Variants in MTUS2 observed in about 807,000 individuals in gnomAD.
The protein encoded by MTUS2 is microtubule-associated tumor suppressor candidate 2.
In MTUS2, 40 loss-of-function variants were observed where a neutral mutation model predicts 114.1. The ratio of observed to expected loss-of-function variants is 0.35; its 90% CI spans 0.27 to 0.46. The LOEUF is 0.46. Ranked by LOEUF, MTUS2 falls within the 20% of genes least tolerant of loss-of-function variation. The probability of loss-of-function intolerance (pLI) is 1.00; values close to 1 mark genes in which losing one functional copy is unlikely to be tolerated. For missense variants in MTUS2, 1,679 were observed against 1,705.4 expected (o/e 0.98, Z 0.27); for synonymous variants, 688 against 672.0 (o/e 1.02, Z -0.37).
intron 2 of MTUS2, among the ~76,000 whole-genome samples, chr13:28,888,528 T>G (rs964949737): frequency 6.6e-6 from 1 of 151,960 alleles, no homozygotes; most frequent in Non-Finnish European, 1.5e-5. Flanking sequence ...TTCAAGCGAT[T>G]CTCCTGCCTC....
intron 8 of MTUS2, among the ~76,000 whole-genome samples, chr13:29,420,309 A>C (rs1362356816): frequency 1.6e-5 from 2 of 128,976 alleles, no homozygotes; most frequent in Non-Finnish European, 3.1e-5. Context: ...ACAGAGTCTC[A>C]CTCTGTCACC....
Position 29,440,046 on chromosome 13 carries a change from G to A in MTUS2, c.3181G>A (p.Val1061Ile). 1 of 1,582,020 alleles carries A rather than the reference G, an allele frequency of 6.3e-7. No homozygotes were observed. Among genetic ancestry groups the A allele is most frequent in the South Asian group, 1.2e-5 (1 of 86,276 alleles). ...CGAACTTGCAAACATCAGGGATGAA[G>A]TTGGTAAGTAGGGCATTGACAATGA... The part of the protein sequence containing the change: ...SIELANIRDE[V>I]AFHTAKCEKL... Residue 1061 changes from valine (V) to isoleucine (I), a missense_variant, in exon 9 of 16, where the codon GTT (valine) becomes ATT (isoleucine). By Grantham distance (29) the Val-to-Ile change is conservative. Around this residue, in one of 3 missense-constraint regions of MTUS2, gnomAD observed 822 missense variants for 899.7 expected, o/e 0.91. Coordinates refer to ENST00000612955, the MANE Select transcript of MTUS2 (RefSeq NM_001033602.4).
At position 29,280,149 on chromosome 13, in the gene MTUS2, C is replaced by T. The variant is rs555122435; in HGVS notation, c.2645-1555C>T. Among the ~76,000 whole-genome samples the T allele has an allele frequency of 7.9e-5, 12 of 152,316 alleles. No homozygotes were observed. In the Middle Eastern group the frequency reaches 0.01, roughly 130 times the overall value. The stretch of plus-strand genomic sequence containing the variant: ...CCACTGGATAATTCAGAAGCTGAGG[C>T]TCACTGTTTTTGCAAGTTCATGGTG... On this transcript the variant is annotated intron_variant, in intron 5 of 15. Transcript: ENST00000612955.
Position 29,125,670 on chromosome 13 carries a change from C to T in MTUS2, c.2644+24700C>T, listed in dbSNP as rs534416179. The stretch of plus-strand genomic sequence containing the variant: ...TGCCGCAGGATTTACACTCTGAAAA[C>T]TAATAGCTTTACCTGGGAAGTTATA... On this transcript the variant is annotated intron_variant, in intron 5 of 15. Coordinates refer to ENST00000612955, the MANE Select transcript of MTUS2 (RefSeq NM_001033602.4). Among the ~76,000 whole-genome samples, 28 of 152,250 alleles carry T rather than the reference C, an allele frequency of 1.8e-4. No homozygotes were observed. The South Asian group carries it at 5.8e-3, about 32-fold the overall frequency.
chr13:28,914,792 GTAGT>G (rs1363925964), intron 2 of MTUS2, among the ~76,000 whole-genome samples: 3 of 151,830 alleles, frequency 2.0e-5, no homozygotes, highest in African/African-American at 4.8e-5. Context: ...CACATTTTGG[GTAGT>G]TAGTTCTTCT....
At chr13:29,130,807 G>C (rs564507192) in intron 5 of MTUS2, among the ~76,000 whole-genome samples, 2 of 152,024 alleles carry the variant, frequency 1.3e-5, no homozygotes, top group Non-Finnish European at 2.9e-5. Flanking sequence ...TGTATTTTTA[G>C]TAGAGACGGG....
In MTUS2 at chr13:29,480,067, T is replaced by G. The variant is rs956265646; in HGVS notation, c.3185-83T>G. On this transcript the variant is annotated intron_variant, in intron 9 of 15. Coordinates refer to ENST00000612955, the MANE Select transcript of MTUS2 (RefSeq NM_001033602.4). This position sits in a 1 kb window ranked among gnomAD's most constrained non-coding sequence, Gnocchi z 4.4. ...CTCGCCCTGTTTATTACGCCAGCCT[T>G]GATGATCTGACCATGGAGGCTGAGT... The G allele has an allele frequency of 7.2e-7, 1 of 1,386,572 alleles. No individual in the cohort carries two copies. The highest frequency in any genetic ancestry group is 1.3e-5 in the South Asian group (1 of 76,718). The allele number at this position is 1,386,572 out of a possible 1,614,324, so 85.9% of individuals were successfully genotyped here.
At chr13:29,314,060 A>C (rs748293820) in intron 6 of MTUS2, among the ~76,000 whole-genome samples, 1 of 152,136 alleles carries the variant, frequency 6.6e-6, no homozygotes, top group Non-Finnish European at 1.5e-5. Flanking sequence ...AATGTGCTCT[A>C]CCAAAGTAAG....
intron 2 of MTUS2, among the ~76,000 whole-genome samples, chr13:28,942,565 A>T (rs1882300983): frequency 6.6e-6 from 1 of 152,226 alleles, no homozygotes; most frequent in Non-Finnish European, 1.5e-5. Context: ...AACAACCCAG[A>T]TGTCCTTCAG....
At chr13:28,959,444 C>A (rs1000143443) in intron 2 of MTUS2, among the ~76,000 whole-genome samples, 2 of 152,298 alleles carry the variant, frequency 1.3e-5, no homozygotes, top group South Asian at 2.1e-4. Context: ...GCCTGGACTT[C>A]TAGCCCTGTG....
rs143880917 is a variant in MTUS2, at chr13:28,872,182, G to A, written c.-243+32332G>A. On this transcript the variant is annotated intron_variant, in intron 2 of 15. Transcript: ENST00000612955. ...AGTCTGGGTAAGAGACAGTGGTATG[G>A]ACCTTGGTGCTGGTGGCTCAGTGGA... Among the ~76,000 whole-genome samples the A allele has an allele frequency of 1.3e-3, 195 of 152,276 alleles. 1 individual carries two copies. The highest frequency in any genetic ancestry group is 4.5e-3 in the African/African-American group (189 of 41,554).
chr13:29,493,774 G>C (rs1834147249), intron 12 of MTUS2, among the ~76,000 whole-genome samples: 2 of 152,164 alleles, frequency 1.3e-5, no homozygotes, highest in African/African-American at 4.8e-5. Context: ...CACAAATCAG[G>C]AAAGTGACGG....
chr13:29,054,425 C>G (rs1888036551), intron 4 of MTUS2, among the ~76,000 whole-genome samples: 1 of 151,940 alleles, frequency 6.6e-6, no homozygotes, highest in African/African-American at 2.4e-5. Context: ...TTGATAAATT[C>G]CAGTTTTCAT....
At chr13:29,343,860 T>C in intron 7 of MTUS2, among the ~76,000 whole-genome samples, 1 of 152,166 alleles carries the variant, frequency 6.6e-6, no homozygotes, top group Non-Finnish European at 1.5e-5. Flanking sequence ...ATCACTGTTA[T>C]CATTTGGTTC....
chr13:29,503,558 G>A lies in MTUS2; in HGVS notation c.*352G>A, dbSNP rs1423919921. On this transcript the variant is annotated 3_prime_UTR_variant, in exon 16 of 16. Transcript: ENST00000612955. Reference sequence around the variant, plus strand: ...ATCATTGTGTACTGCACCGATATGTGTGTATATTTAGATATACGTATATAC... The same window carrying A: ...ATCATTGTGTACTGCACCGATATGTATGTATATTTAGATATACGTATATAC... The A allele has an allele frequency of 7.3e-6, 3 of 412,610 alleles. No homozygotes were observed. Among genetic ancestry groups the A allele is most frequent in the African/African-American group, 1.9e-5 (1 of 51,374 alleles). 25.6% of individuals were successfully genotyped at this position (412,610 alleles called of 1,614,324 possible).
At chr13:29,423,240 C>T (rs1476367110) in intron 8 of MTUS2, among the ~76,000 whole-genome samples, 1 of 152,190 alleles carries the variant, frequency 6.6e-6, no homozygotes, top group Non-Finnish European at 1.5e-5. Context: ...TCAGTGATTT[C>T]TTCAAAGGAC....
intron 2 of MTUS2, among the ~76,000 whole-genome samples, chr13:28,896,721 A>G (rs1457692189): frequency 6.6e-6 from 1 of 152,242 alleles, no homozygotes; most frequent in African/African-American, 2.4e-5. Context: ...CCAATGGAAC[A>G]GAACACAGCC....
At chr13:29,063,638 C>T (rs1888523113) in intron 4 of MTUS2, among the ~76,000 whole-genome samples, 1 of 152,106 alleles carries the variant, frequency 6.6e-6, no homozygotes, top group African/African-American at 2.4e-5. Flanking sequence ...CAAGTTATAA[C>T]ATGAAGACCG....
At chr13:29,209,723 A>G (rs1033579903) in intron 5 of MTUS2, among the ~76,000 whole-genome samples, 1 of 152,152 alleles carries the variant, frequency 6.6e-6, no homozygotes, top group African/African-American at 2.4e-5. Context: ...CTTGGCTGAC[A>G]AATTGTTTTG....
Sources: allele counts gnomAD v4.1 joint callset (sites outside exome capture counted in the v4.1 genomes callset), GRCh38; gene constraint gnomAD v4.1.1; regional missense constraint gnomAD v4.1.1; non-coding constraint Gnocchi (gnomAD v3.1); transcripts MANE v1.5; gene names NCBI Gene and HGNC (gene_info 2026-07-23, HGNC 2026-07-21).